Variants in ERAP1 observed in about 807,000 individuals in gnomAD.
ERAP1 encodes adipocyte-derived leucine aminopeptidase.
ERAP1 carries 86 observed loss-of-function variants against 103.7 expected under a neutral mutation model. The observed-to-expected ratio is 0.83, with a 90% CI of 0.70 to 0.99. The LOEUF (loss-of-function observed/expected upper bound fraction) is 0.99. Among genes scored for constraint, ERAP1 ranks in the 50% least tolerant of loss-of-function variants. The pLI is 0.00. For synonymous variants in ERAP1, 398 were observed against 402.4 expected, an observed-to-expected ratio of 0.99 and a Z score of 0.13; for missense variants, 1,009 against 1,128.4, an observed-to-expected ratio of 0.89 and a Z score of 1.52.
the ERAP1 span, among the ~76,000 whole-genome samples, chr5:96,901,137 ACCC>A: frequency 6.6e-6 from 1 of 150,702 alleles, no homozygotes; most frequent in Non-Finnish European, 1.5e-5. Context: ...CTCGTAAACC[ACCC>A]CTCCTGGATT....
intron 19 of ERAP1, chr5:96,765,453 T>C (rs1356711785): frequency 1.8e-5 from 11 of 598,246 alleles, no homozygotes; most frequent in Non-Finnish European, 2.1e-5. Flanking sequence ...GAAATTATAA[T>C]GAAATAGAAA....
the ERAP1 span, chr5:96,915,689 T>C: frequency 2.0e-6 from 3 of 1,513,106 alleles, no homozygotes; most frequent in Non-Finnish European, 1.8e-6. Flanking sequence ...TATTTTCAGA[T>C]TTGACTTGGG....
the ERAP1 span, among the ~76,000 whole-genome samples, chr5:96,889,964 A>C: frequency 6.6e-5 from 10 of 152,144 alleles, no homozygotes; most frequent in Non-Finnish European, 1.0e-4. Flanking sequence ...GTTTATGTAG[A>C]GAGAGAACTG....
At position 96,776,294 on chromosome 5, in the gene ERAP1, A is replaced by G. The variant is rs1581517192; in HGVS notation, c.*102T>C. The stretch of plus-strand genomic sequence containing the variant: ...TCAAAAAATGAGTTGAAGGGAAAAA[A>G]GTATCTCCAGTTGGAGCCAAAACAG... On this transcript the variant is annotated 3_prime_UTR_variant, in exon 19 of 19. Coordinates refer to ENST00000443439, the MANE Select transcript of ERAP1 (RefSeq NM_001040458.3). The G allele has an allele frequency of 1.3e-6, 2 of 1,540,600 alleles. No homozygotes were observed. Among genetic ancestry groups the G allele is most frequent in the East Asian group, 2.3e-5 (1 of 44,096 alleles).
chr5:96,818,261 A>G, the ERAP1 span, among the ~76,000 whole-genome samples: 4 of 152,068 alleles, frequency 2.6e-5, no homozygotes, highest in Admixed American at 6.5e-5. Flanking sequence ...CCTGCTCAAC[A>G]CACCTCCCTT....
At chr5:96,815,163 TC>T in the ERAP1 span, among the ~76,000 whole-genome samples, 3 of 152,232 alleles carry the variant, frequency 2.0e-5, no homozygotes, top group Non-Finnish European at 4.4e-5. Flanking sequence ...TAGCAAGAAT[TC>T]TGGGCTTTTC....
chr5:96,865,664 T>G, the ERAP1 span, among the ~76,000 whole-genome samples: 1 of 152,214 alleles, frequency 6.6e-6, no homozygotes, highest in African/African-American at 2.4e-5. Flanking sequence ...TTTTTCATTT[T>G]TCTTACTTTA....
chr5:96,775,782 A>C lies in ERAP1; in HGVS notation c.*614T>G. ...GCCAGCCCGAGGCATCCCGCAAGGG[A>C]ATCAGGGAAGAACACCTCCACCTAC... On this transcript the variant is annotated 3_prime_UTR_variant, in exon 19 of 19. Transcript: ENST00000443439. 1 of 237,450 alleles carries C rather than the reference A, an allele frequency of 4.2e-6. No homozygotes were observed. Among genetic ancestry groups the C allele is most frequent in the Non-Finnish European group, 6.9e-6 (1 of 145,688 alleles). The allele number at this position is 237,450 out of a possible 1,614,324, so 14.7% of individuals were successfully genotyped here.
chr5:96,807,819 C>T lies in ERAP1; in HGVS notation c.-18+41G>A, dbSNP rs1230063576. 2.4e-5 allele frequency: 24 copies of T among 984,894 alleles called. No homozygotes were observed. The Admixed American group carries it at 7.4e-4, about 30-fold the overall frequency. The allele number at this position is 984,894 out of a possible 1,614,324, so 61.0% of individuals were successfully genotyped here. A position where few individuals can be genotyped will look rare whatever the true frequency, so the allele number is the denominator to read the frequency against. On this transcript the variant is annotated intron_variant, in intron 1 of 18. Transcript: ENST00000443439. ...AAGGGGCGGGTGCCGCGCTCTCCTC[C>T]CGGCCCGCAGTCCCCTACCCGCGGC...
intron 2 of ERAP1, among the ~76,000 whole-genome samples, chr5:96,801,394 GT>G (rs1438289665): frequency 6.6e-6 from 1 of 151,490 alleles, no homozygotes; most frequent in Non-Finnish European, 1.5e-5. Context: ...GGAGGCAGAG[GT>G]TTCAGTGACC....
intron 12 of ERAP1, among the ~76,000 whole-genome samples, 191 bp downstream of exon 12, chr5:96,786,279 T>C (rs1037966331): frequency 6.6e-6 from 1 of 152,212 alleles, no homozygotes; most frequent in Admixed American, 6.5e-5. Context: ...ATCCCTCCTT[T>C]TTAGCATTAT....
chr5:96,913,473 C>T, the ERAP1 span: 1 of 1,613,354 alleles, frequency 6.2e-7, no homozygotes, highest in Admixed American at 1.7e-5. Context: ...TATTCATTTT[C>T]ATCCAATGTT....
At chr5:96,803,201 G>C (rs78393501) in intron 2 of ERAP1, among the ~76,000 whole-genome samples, 2,445 of 152,156 alleles carry the variant, frequency 0.016, 69 homozygotes, top group Admixed American at 0.073. Context: ...CTGGGGGAAA[G>C]AAAATTGGTT....
chr5:96,917,098 C>T, the ERAP1 span, among the ~76,000 whole-genome samples: 7 of 152,192 alleles, frequency 4.6e-5, no homozygotes, highest in African/African-American at 1.2e-4. Flanking sequence ...TTTTGGAAGA[C>T]GAAGTGGTTT....
chr5:96,903,698 CAA>C, the ERAP1 span: 1 of 679,858 alleles, frequency 1.5e-6, no homozygotes, highest in East Asian at 2.8e-5. Context: ...ATCACTAGGC[CAA>C]AGACTACCCA....
the ERAP1 span, chr5:96,889,214 G>GAATCAAACAC: frequency 6.2e-7 from 1 of 1,613,976 alleles, no homozygotes; most frequent in Admixed American, 1.7e-5. Context: ...CAGACAAACG[G>GAATCAAACAC]AATCAAACAC....
At chr5:96,924,260 G>A in the ERAP1 span, among the ~76,000 whole-genome samples, 2 of 152,242 alleles carry the variant, frequency 1.3e-5, no homozygotes, top group East Asian at 3.9e-4. Context: ...AGGTCTCTTT[G>A]AGGCCCTGCA....
chr5:96,870,934 C>A, the ERAP1 span, among the ~76,000 whole-genome samples: 2 of 152,186 alleles, frequency 1.3e-5, no homozygotes, highest in Non-Finnish European at 2.9e-5. Context: ...TGTGCAAGCA[C>A]CAGGCTTTGT....
chr5:96,896,824 A>C, the ERAP1 span: 1 of 1,288,642 alleles, frequency 7.8e-7, no homozygotes, highest in South Asian at 1.4e-5. Context: ...TCAGCTATAG[A>C]AATGCTAAGA....
Sources: allele counts gnomAD v4.1 joint callset (sites outside exome capture counted in the v4.1 genomes callset), GRCh38; gene constraint gnomAD v4.1.1; transcripts MANE v1.5; gene names NCBI Gene and HGNC (gene_info 2026-07-23, HGNC 2026-07-21).